Variants in RASGRF2 observed in about 807,000 individuals in gnomAD.
The protein encoded by RASGRF2 is ras-specific guanine nucleotide-releasing factor 2.
In RASGRF2, 76 loss-of-function variants were observed where a neutral mutation model predicts 151.0. The observed-to-expected ratio is 0.50, with a 90% CI of 0.42 to 0.61. The LOEUF is 0.61. Ranked by LOEUF, RASGRF2 falls within the 20% of genes least tolerant of loss-of-function variation. The pLI, the probability that RASGRF2 is intolerant of heterozygous loss-of-function variation, is 0.00. For synonymous variants in RASGRF2, 504 were observed against 566.5 expected (o/e 0.89, Z 1.57); for missense variants, 1,148 against 1,564.6 (o/e 0.73, Z 4.49).
chr5:80,961,348 A>G (rs1339381493), intron 1 of RASGRF2, among the ~76,000 whole-genome samples: 1 of 152,052 alleles, frequency 6.6e-6, no homozygotes, highest in East Asian at 1.9e-4. Context: ...GGCTCGCCAG[A>G]TTTTTGTCTG....
chr5:81,027,376 TC>T (rs1448021216), intron 1 of RASGRF2, among the ~76,000 whole-genome samples: 2 of 152,316 alleles, frequency 1.3e-5, no homozygotes, highest in East Asian at 3.9e-4. Context: ...GTTCAGTTTT[TC>T]TGTAAACCAA....
chr5:81,206,639 A>G (rs752732339), intron 19 of RASGRF2, among the ~76,000 whole-genome samples: 1 of 152,150 alleles, frequency 6.6e-6, no homozygotes, highest in Non-Finnish European at 1.5e-5. Context: ...GTTCTAAATC[A>G]GCTGTCCTGA....
chr5:81,061,434 G>T (rs569545095), intron 2 of RASGRF2, among the ~76,000 whole-genome samples: 2 of 151,040 alleles, frequency 1.3e-5, no homozygotes, highest in Admixed American at 1.3e-4. Flanking sequence ...CTATATCTTT[G>T]TTAGCCCTGA....
intron 26 of RASGRF2, among the ~76,000 whole-genome samples, chr5:81,224,620 T>A (rs1755930963): frequency 6.6e-6 from 1 of 152,212 alleles, no homozygotes; most frequent in Non-Finnish European, 1.5e-5. Context: ...ATAGCCCCTA[T>A]TTGGGAAGAG....
At position 81,207,339 on chromosome 5, in the gene RASGRF2, A is replaced by C; in HGVS notation, c.3061A>C (p.Ile1021Leu). ...TLLDHVIFRSIPYEEFLGQGW... is the reference protein window; with the variant it reads ...TLLDHVIFRSLPYEEFLGQGW... ...CCTGGACCATGTCATTTTCAGAAGC[A>C]TTCCCTACGAGTGAGTGCCACCCCC... The change falls in exon 21 of 27, where the codon ATT becomes CTT. Residue 1021 changes from isoleucine to leucine, a missense_variant. This residue lies in a region of RASGRF2 where 646 missense variants were observed against 807.4 expected (regional missense o/e 0.80). Coordinates refer to ENST00000265080, the MANE Select transcript of RASGRF2 (RefSeq NM_006909.3). 6.2e-7 allele frequency: 1 copy of C among 1,613,908 alleles called. No individual in the cohort carries two copies. The highest frequency in any genetic ancestry group is 2.2e-5 in the East Asian group (1 of 44,868).
At chr5:81,215,563 A>C (rs1289731831) in intron 23 of RASGRF2, among the ~76,000 whole-genome samples, 1 of 152,052 alleles carries the variant, frequency 6.6e-6, no homozygotes, top group Non-Finnish European at 1.5e-5. Flanking sequence ...GACCCACTGC[A>C]CCCGGCCTAC....
intron 4 of RASGRF2, 120 bp from the exon 5 acceptor site, chr5:81,073,079 C>T: frequency 8.1e-7 from 1 of 1,233,278 alleles, no homozygotes; most frequent in Middle Eastern, 2.7e-4. Flanking sequence ...GAATCCTTAT[C>T]AATTTTAGAG....
At chr5:81,113,184 G>A (rs1305406595) in intron 14 of RASGRF2, among the ~76,000 whole-genome samples, 2 of 148,208 alleles carry the variant, frequency 1.3e-5, no homozygotes, top group African/African-American at 2.5e-5. Flanking sequence ...ACTTTAATAT[G>A]CATAAGAATC....
chr5:81,102,044 C>A (rs898656888), intron 12 of RASGRF2, among the ~76,000 whole-genome samples: 4 of 152,058 alleles, frequency 2.6e-5, no homozygotes, highest in Non-Finnish European at 5.9e-5. Context: ...CATATAAAAT[C>A]ATTAAAATTA....
At chr5:81,034,069 C>G (rs1334903461) in intron 1 of RASGRF2, among the ~76,000 whole-genome samples, 4 of 152,154 alleles carry the variant, frequency 2.6e-5, no homozygotes, top group Non-Finnish European at 5.9e-5. Flanking sequence ...CACTGGCCAA[C>G]AGAGAAATGC....
chr5:81,020,610 G>T (rs1000859122), intron 1 of RASGRF2, among the ~76,000 whole-genome samples: 2 of 152,216 alleles, frequency 1.3e-5, no homozygotes, highest in East Asian at 3.9e-4. Flanking sequence ...CTCTCAGCCA[G>T]TGTGAGAAAA....
At chr5:81,028,176 A>T (rs998344230) in intron 1 of RASGRF2, among the ~76,000 whole-genome samples, 2 of 151,996 alleles carry the variant, frequency 1.3e-5, no homozygotes, top group Non-Finnish European at 2.9e-5. Flanking sequence ...AAGACACCAG[A>T]TTACCAGAAA....
At chr5:81,174,666 A>G (rs952961231) in intron 17 of RASGRF2, among the ~76,000 whole-genome samples, 1 of 152,214 alleles carries the variant, frequency 6.6e-6, no homozygotes, top group Non-Finnish European at 1.5e-5. Flanking sequence ...CAGATTGTCT[A>G]TATCAGTCAC....
intron 2 of RASGRF2, among the ~76,000 whole-genome samples, chr5:81,044,841 T>C (rs1456255875): frequency 1.3e-5 from 2 of 152,168 alleles, no homozygotes; most frequent in African/African-American, 4.8e-5. Flanking sequence ...TTTCTTGTTC[T>C]ATTTTTTTTT....
chr5:80,990,871 A>C (rs1451065883), intron 1 of RASGRF2, among the ~76,000 whole-genome samples: 1 of 152,210 alleles, frequency 6.6e-6, no homozygotes, highest in Non-Finnish European at 1.5e-5. Flanking sequence ...GGTGAGCTGC[A>C]TAGCTCAGGT....
At chr5:81,147,974 G>A (rs920109599) in intron 17 of RASGRF2, among the ~76,000 whole-genome samples, 1 of 152,184 alleles carries the variant, frequency 6.6e-6, no homozygotes, top group Non-Finnish European at 1.5e-5. Context: ...AAGTGCATAC[G>A]GTCTCAGCAG....
intron 2 of RASGRF2, among the ~76,000 whole-genome samples, chr5:81,066,571 C>T (rs1473051281): frequency 6.6e-6 from 1 of 152,170 alleles, no homozygotes; most frequent in Non-Finnish European, 1.5e-5. Flanking sequence ...GCTACAGGAG[C>T]CCAGGTAGCC....
chr5:80,995,504 C>T (rs1748816861), intron 1 of RASGRF2, among the ~76,000 whole-genome samples: 1 of 151,494 alleles, frequency 6.6e-6, no homozygotes, highest in Non-Finnish European at 1.5e-5. Context: ...CAAATATATA[C>T]ACATGGTAAA....
At chr5:81,049,537 C>G (rs1255455658) in intron 2 of RASGRF2, among the ~76,000 whole-genome samples, 1 of 152,160 alleles carries the variant, frequency 6.6e-6, no homozygotes, top group South Asian at 2.1e-4. Flanking sequence ...TTTCACTACT[C>G]CTTGTGTTCT....
Sources: gnomAD v4.1 joint callset for allele counts (sites outside exome capture counted in the v4.1 genomes callset) on GRCh38, gnomAD v4.1.1 for gene constraint, gnomAD v4.1.1 regional missense constraint, MANE v1.5 for transcripts, NCBI Gene and HGNC (gene_info 2026-07-23, HGNC 2026-07-21) for gene names.